DMRT3: variants seen among roughly 807,000 people sequenced by gnomAD.
DMRT3 encodes doublesex and mab-3 related transcription factor 3.
Under a neutral mutation model 34.9 loss-of-function variants are expected in DMRT3, and 29 were observed. The ratio of observed to expected loss-of-function variants is 0.83; its 90% confidence interval spans 0.62 to 1.13. The LOEUF (loss-of-function observed/expected upper bound fraction) is 1.13. Ranked by LOEUF, DMRT3 falls within the 50% of genes most tolerant of loss-of-function variation. The pLI is 0.00. For missense variants in DMRT3, 772 were observed against 629.1 expected (o/e 1.23, Z -2.43); for synonymous variants, 350 against 286.0 (o/e 1.22, Z -2.26).
chr9:990,355 A>AAG lies in DMRT3; in HGVS notation c.771_772dup (p.Ile258ArgfsTer23). 1 of 1,613,962 alleles carries AAG rather than the reference A, an allele frequency of 6.2e-7. No homozygotes were observed. The highest frequency in any genetic ancestry group is 8.5e-7 in the Non-Finnish European group (1 of 1,180,032). The stretch of plus-strand genomic sequence containing the variant: ...CAGACCGCCGCTTGAAGTGTTAAAA[A>AAG]AGATATTCCCCAACCAGAAGCCAAC... On this transcript the variant is annotated frameshift_variant, in exon 2 of 2. Coordinates refer to ENST00000190165, the MANE Select transcript of DMRT3 (RefSeq NM_021240.4). LOFTEE classifies it high-confidence loss of function.
chr9:988,104 G>A (rs1203188365), intron 1 of DMRT3, among the ~76,000 whole-genome samples: 2 of 152,168 alleles, frequency 1.3e-5, no homozygotes, highest in Non-Finnish European at 2.9e-5. Context: ...CCCATCCTAA[G>A]AAGTTGTAGG....
At chr9:984,926 C>CT (rs1272928365) in intron 1 of DMRT3, among the ~76,000 whole-genome samples, 1 of 151,768 alleles carries the variant, frequency 6.6e-6, no homozygotes, top group Admixed American at 6.6e-5. Context: ...ATTGAAAGCA[C>CT]TTTTGTGAGT....
intron 1 of DMRT3, among the ~76,000 whole-genome samples, chr9:977,842 G>C (rs886293495): frequency 6.6e-5 from 10 of 152,208 alleles, no homozygotes; most frequent in African/African-American, 2.4e-4. Flanking sequence ...TTTCCTGGCT[G>C]CAGGCTTTAG....
rs975010275 is a variant in DMRT3 at position 977,325 on chromosome 9, G to A, written c.324G>A (p.Gln108=). ...PPPGDAVAAP[Q]PPPASQPSQP... is the part of the protein sequence containing the mutation. ...CGGGGGACGCCGTCGCCGCCCCGCA[G>A]CCGCCGCCAGCCTCTCAGCCGTCGC... is the stretch of plus-strand genomic sequence containing the variant. The change falls in exon 1 of 2, where the codon CAG becomes CAA. Residue 108 remains glutamine (Q), a synonymous_variant. Coordinates refer to ENST00000190165, the MANE Select transcript of DMRT3 (RefSeq NM_021240.4). 8 of 1,296,126 alleles carry A rather than the reference G, an allele frequency of 6.2e-6. No individual in the cohort carries two copies. The highest frequency in any genetic ancestry group is 1.5e-5 in the African/African-American group (1 of 64,640). The allele number at this position is 1,296,126 out of a possible 1,614,324, so 80.3% of individuals were successfully genotyped here. A position where few individuals can be genotyped will look rare whatever the true frequency, so the allele number is the denominator to read the frequency against.
chr9:990,816 T>C lies in DMRT3; in HGVS notation c.1230T>C (p.Pro410=). ...QYQLRSQYVS[P]FPSNSTSVFR... ...AGCTGAGGTCCCAGTATGTCAGTCC[T>C]TTCCCCAGTAACTCTACCAGCGTCT... Residue 410 remains proline, a synonymous_variant, in exon 2 of 2, where the codon CCT becomes CCC. Coordinates refer to ENST00000190165, the MANE Select transcript of DMRT3 (RefSeq NM_021240.4). The C allele has an allele frequency of 6.2e-7, 1 of 1,614,158 alleles. No individual in the cohort carries two copies. The highest frequency in any genetic ancestry group is 8.5e-7 in the Non-Finnish European group (1 of 1,180,024).
Position 976,938 on chromosome 9 carries a change from G to C in DMRT3, c.-64G>C. ...GCCCCTGAGCGGGCCTCGCAGCCCCGCCGTCCAGCGCTCCCTGGCCCTCTC... is the reference window on the plus strand; with the variant it reads ...GCCCCTGAGCGGGCCTCGCAGCCCCCCCGTCCAGCGCTCCCTGGCCCTCTC... On this transcript the variant is annotated 5_prime_UTR_variant, in exon 1 of 2. Transcript: ENST00000190165. The surrounding 1 kb of genome is among the most constrained non-coding windows in gnomAD (Gnocchi z 4.5). The C allele has an allele frequency of 7.3e-7, 1 of 1,375,742 alleles. No individual in the cohort carries two copies. Among genetic ancestry groups the C allele is most frequent in the East Asian group, 2.9e-5 (1 of 34,466 alleles). 85.2% of individuals were successfully genotyped at this position (1,375,742 alleles called of 1,614,324 possible).
intron 1 of DMRT3, among the ~76,000 whole-genome samples, chr9:987,430 GT>G (rs1398828139): frequency 6.9e-6 from 1 of 145,346 alleles, no homozygotes; most frequent in East Asian, 1.9e-4. Flanking sequence ...GTGTGTGTGT[GT>G]GTGTGTGTGT....
chr9:984,283 G>A (rs1820256025), intron 1 of DMRT3, among the ~76,000 whole-genome samples: 1 of 152,258 alleles, frequency 6.6e-6, no homozygotes, highest in African/African-American at 2.4e-5. Flanking sequence ...TTCAAAATGC[G>A]TGACATGATT....
At chr9:987,765 A>G (rs1820303586) in intron 1 of DMRT3, among the ~76,000 whole-genome samples, 1 of 152,222 alleles carries the variant, frequency 6.6e-6, no homozygotes. Context: ...AAATTAAAAA[A>G]TAAGGAAACT....
Position 990,262 on chromosome 9 carries a change from G to C in DMRT3, c.676G>C (p.Glu226Gln). Residue 226 changes from glutamate (E) to glutamine (Q), a missense_variant, in exon 2 of 2, where the codon GAG becomes CAG. Glu to Gln is a conservative substitution (Grantham distance 29). Coordinates refer to ENST00000190165, the MANE Select transcript of DMRT3 (RefSeq NM_021240.4). ...SRPDSPKCHAEQNHLLIEGPS... is the reference protein window; with the variant it reads ...SRPDSPKCHAQQNHLLIEGPS... ...CCCTGACAGCCCCAAGTGTCACGCGGAGCAGAATCACCTCCTGATTGAGGG... is the reference window on the plus strand; with the variant it reads ...CCCTGACAGCCCCAAGTGTCACGCGCAGCAGAATCACCTCCTGATTGAGGG... The C allele has an allele frequency of 6.2e-7, 1 of 1,613,934 alleles. No individual in the cohort carries two copies. Among genetic ancestry groups the C allele is most frequent in the South Asian group, 1.1e-5 (1 of 91,026 alleles).
At position 977,309 on chromosome 9, in the gene DMRT3, CCGT is replaced by C. The variant is rs769046798; in HGVS notation, c.311_313del (p.Val104del). ...CCAGGGCCCCCGCCGCCGGGGGACG[CCGT>C]CGCCGCCCCGCAGCCGCCGCCAGCC... On this transcript the variant is annotated inframe_deletion, in exon 1 of 2. Coordinates refer to ENST00000190165, the MANE Select transcript of DMRT3 (RefSeq NM_021240.4). The C allele has an allele frequency of 6.7e-5, 89 of 1,334,836 alleles. No individual in the cohort carries two copies. The African/African-American group carries it at 1.1e-3, about 16-fold the overall frequency. 82.7% of individuals were successfully genotyped at this position (1,334,836 alleles called of 1,614,324 possible).
At chr9:990,016 T>G (rs753335535) in intron 1 of DMRT3, 25 bp from the exon 2 acceptor site, 3 of 1,611,000 alleles carry the variant, frequency 1.9e-6, no homozygotes, top group Non-Finnish European at 2.5e-6. Context: ...CAGGAAAAGA[T>G]TAACTCAGCT....
At chr9:985,286 A>G (rs1406251646) in intron 1 of DMRT3, among the ~76,000 whole-genome samples, 3 of 152,210 alleles carry the variant, frequency 2.0e-5, no homozygotes, top group South Asian at 2.1e-4. Context: ...TTGACTTTCT[A>G]TACCCATCTA....
chr9:988,409 G>A (rs1342796266), intron 1 of DMRT3, among the ~76,000 whole-genome samples: 1 of 152,208 alleles, frequency 6.6e-6, no homozygotes, highest in East Asian at 1.9e-4. Context: ...AAAGGCCAAA[G>A]TTTTGGTTTT....
At chr9:985,398 CTATTT>C (rs764564840) in intron 1 of DMRT3, among the ~76,000 whole-genome samples, 28 of 152,208 alleles carry the variant, frequency 1.8e-4, no homozygotes, top group Non-Finnish European at 1.6e-4. Context: ...GGAGTATTTC[CTATTT>C]TATTTTGTTA....
chr9:988,110 G>A (rs1820307615), intron 1 of DMRT3, among the ~76,000 whole-genome samples: 1 of 152,162 alleles, frequency 6.6e-6, no homozygotes, highest in South Asian at 2.1e-4. Context: ...CTAAGAAGTT[G>A]TAGGAGAGAA....
intron 1 of DMRT3, among the ~76,000 whole-genome samples, chr9:977,820 G>A (rs1282835496): frequency 6.6e-6 from 1 of 152,210 alleles, no homozygotes; most frequent in Non-Finnish European, 1.5e-5. Context: ...ACTCACTACG[G>A]TGGGGTCGGA....
chr9:981,002 C>T (rs1205517916), intron 1 of DMRT3, among the ~76,000 whole-genome samples: 1 of 151,732 alleles, frequency 6.6e-6, no homozygotes. Flanking sequence ...CTTTTAAATG[C>T]TTTTAAAAGG....
chr9:978,761 G>A (rs1443941802), intron 1 of DMRT3, among the ~76,000 whole-genome samples: 1 of 152,172 alleles, frequency 6.6e-6, no homozygotes, highest in Non-Finnish European at 1.5e-5. Context: ...GTAGAGCTGG[G>A]AATTTTAAAG....
Sources: allele counts gnomAD v4.1 joint callset (sites outside exome capture counted in the v4.1 genomes callset), GRCh38; gene constraint gnomAD v4.1.1; non-coding constraint Gnocchi (gnomAD v3.1); transcripts MANE v1.5; gene names NCBI Gene and HGNC (gene_info 2026-07-23, HGNC 2026-07-21).